Variants in ATP13A5 observed in about 807,000 individuals in gnomAD.
The protein encoded by ATP13A5 is probable cation-transporting ATPase 13A5.
Under a neutral mutation model 150.2 loss-of-function variants are expected in ATP13A5, and 149 were observed. The observed-to-expected ratio is 0.99, with a 90% CI of 0.87 to 1.14. The LOEUF is 1.14. ATP13A5 is among the 50% of genes most tolerant of loss of function. ATP13A5 has a pLI of 0.00. For synonymous variants in ATP13A5, 497 were observed against 522.2 expected, an observed-to-expected ratio of 0.95 and a Z score of 0.66; for missense variants, 1,383 against 1,449.3, an observed-to-expected ratio of 0.95 and a Z score of 0.74.
intron 9 of ATP13A5, among the ~76,000 whole-genome samples, chr3:193,335,444 A>G (rs566511367): frequency 1.2e-4 from 19 of 152,338 alleles, no homozygotes; most frequent in Non-Finnish European, 2.5e-4. Flanking sequence ...GCTTTCCAGC[A>G]CGTGAATAGT....
Position 193,331,180 on chromosome 3 carries a change from A to C in ATP13A5, c.1404T>G (p.Cys468Trp). The C allele has an allele frequency of 6.2e-7, 1 of 1,614,094 alleles. No individual in the cohort carries two copies. The highest frequency in any genetic ancestry group is 8.5e-7 in the Non-Finnish European group (1 of 1,179,966). ...ACATGTTGATTCTCTGTGGGGAGATACAGAAGATTTTCTTTTTCTTCAGTC... is the reference window on the plus strand; with the variant it reads ...ACATGTTGATTCTCTGTGGGGAGATCCAGAAGATTTTCTTTTTCTTCAGTC... ...QKRLKKKKIFCISPQRINMCG... is the reference protein window; with the variant it reads ...QKRLKKKKIFWISPQRINMCG... The change falls in exon 12 of 30, where the codon TGT (cysteine) becomes TGG (tryptophan). Residue 468 changes from cysteine to tryptophan, a missense_variant. This residue lies in a region of ATP13A5 where 787 missense variants were observed against 771.9 expected (regional missense o/e 1.02). Coordinates refer to ENST00000342358, the MANE Select transcript of ATP13A5 (RefSeq NM_198505.4).
intron 25 of ATP13A5, among the ~76,000 whole-genome samples, chr3:193,290,328 A>G (rs530037980): frequency 6.6e-6 from 1 of 152,214 alleles, no homozygotes; most frequent in African/African-American, 2.4e-5. Context: ...GCATGGTGCA[A>G]CTATTTCCTC....
Position 193,274,921 on chromosome 3 carries a change from T to C in ATP13A5, c.*121A>G. 3 of 1,391,540 alleles carry C rather than the reference T, an allele frequency of 2.2e-6. No homozygotes were observed. Among genetic ancestry groups the C allele is most frequent in the Middle Eastern group, 2.4e-4 (1 of 4,152 alleles). The allele number at this position is 1,391,540 out of a possible 1,614,324, so 86.2% of individuals were successfully genotyped here. On this transcript the variant is annotated 3_prime_UTR_variant, in exon 30 of 30. Transcript: ENST00000342358. ...GCTGCAAGGTTTAATTCATTGAAAA[T>C]ATACTTTGAATGCTTGAATGGAGAG...
intron 1 of ATP13A5, among the ~76,000 whole-genome samples, chr3:193,373,452 ATT>A (rs10708831): frequency 4.0e-5 from 6 of 151,690 alleles, no homozygotes; most frequent in African/African-American, 1.2e-4. Flanking sequence ...GCAATTCTTG[ATT>A]TTTTTTTTAA....
In ATP13A5 at chr3:193,343,369, G is replaced by T. The variant is rs112801964; in HGVS notation, c.943+558C>A. Among the ~76,000 whole-genome samples the T allele has an allele frequency of 4.0e-3, 613 of 152,274 alleles. 4 individuals carry two copies. Among genetic ancestry groups the T allele is most frequent in the Admixed American group, 6.7e-3 (102 of 15,282 alleles). Reference sequence around the variant, plus strand: ...AGGACTGCCTGAACTATAACTAGAAGATTAGTTTCTGCTCAGTGAGATCAA... The same window carrying T: ...AGGACTGCCTGAACTATAACTAGAATATTAGTTTCTGCTCAGTGAGATCAA... On this transcript the variant is annotated intron_variant, in intron 9 of 29. Transcript: ENST00000342358.
intron 27 of ATP13A5, 144 bp downstream of exon 27, chr3:193,284,770 G>A (rs1376990698): frequency 1.6e-5 from 11 of 679,198 alleles, no homozygotes; most frequent in African/African-American, 3.6e-5. Context: ...CTCTACCAAC[G>A]ATGACCACTG....
chr3:193,374,085 A>C (rs1371093546), intron 1 of ATP13A5, among the ~76,000 whole-genome samples: 1 of 152,178 alleles, frequency 6.6e-6, no homozygotes, highest in African/African-American at 2.4e-5. Flanking sequence ...GCCTGTGGTC[A>C]CGGGAGCTGC....
Position 193,351,185 on chromosome 3 carries a change from T to A in ATP13A5, c.623A>T (p.Tyr208Phe). Reference sequence around the variant, plus strand: ...AGTTAGGGTGAAGGCTTGGAACACATAGAATGGATTTAAAACCTGCAGGCA... The same window carrying A: ...AGTTAGGGTGAAGGCTTGGAACACAAAGAATGGATTTAAAACCTGCAGGCA... ...LLVKQVLNPF[Y>F]VFQAFTLTLW... Residue 208 changes from tyrosine to phenylalanine, a missense_variant, in exon 7 of 30, where the codon TAT (tyrosine) becomes TTT (phenylalanine). Tyr to Phe is a conservative substitution (Grantham distance 22). This residue lies in a region of ATP13A5 where 787 missense variants were observed against 771.9 expected (regional missense o/e 1.02). Transcript: ENST00000342358. The A allele has an allele frequency of 6.2e-7, 1 of 1,613,726 alleles. No individual in the cohort carries two copies. Among genetic ancestry groups the A allele is most frequent in the Middle Eastern group, 1.7e-4 (1 of 6,056 alleles).
At chr3:193,339,786 A>G (rs1282095835) in intron 9 of ATP13A5, among the ~76,000 whole-genome samples, 2 of 152,008 alleles carry the variant, frequency 1.3e-5, no homozygotes, top group African/African-American at 2.4e-5. Context: ...CTTAGAGATC[A>G]TTTCCTTTTT....
At chr3:193,326,247 A>G (rs1288200908) in intron 13 of ATP13A5, among the ~76,000 whole-genome samples, 2 of 152,196 alleles carry the variant, frequency 1.3e-5, no homozygotes, top group African/African-American at 4.8e-5. Flanking sequence ...GTCTTAGCCC[A>G]TAGGGAAGGA....
chr3:193,373,742 G>A (rs981744690), intron 1 of ATP13A5, among the ~76,000 whole-genome samples: 2 of 152,140 alleles, frequency 1.3e-5, no homozygotes, highest in Admixed American at 6.5e-5. Flanking sequence ...AAAGAGTCAA[G>A]GCCAAAGAGG....
chr3:193,322,918 T>C lies in ATP13A5; in HGVS notation c.1675-344A>G, dbSNP rs943641859. 3.9e-5 allele frequency among the ~76,000 whole-genome samples: 6 copies of C among 152,214 alleles called. No individual in the cohort carries two copies. In the East Asian group the frequency reaches 1.2e-3, roughly 29 times the overall value. ...TAGTCTCCAACATTGCCGAGCACCA[T>C]AGCTCTCAGATGAGTTAGGACTGGG... On this transcript the variant is annotated intron_variant, in intron 14 of 29. Coordinates refer to ENST00000342358, the MANE Select transcript of ATP13A5 (RefSeq NM_198505.4).
At chr3:193,295,004 G>A (rs1266754971) in intron 25 of ATP13A5, among the ~76,000 whole-genome samples, 1 of 152,044 alleles carries the variant, frequency 6.6e-6, no homozygotes, top group Non-Finnish European at 1.5e-5. Flanking sequence ...TTCTGAATAT[G>A]CATCACTTTC....
chr3:193,377,509 T>G (rs913819794), intron 1 of ATP13A5, among the ~76,000 whole-genome samples: 2 of 152,218 alleles, frequency 1.3e-5, no homozygotes, highest in Non-Finnish European at 2.9e-5. Flanking sequence ...TGGTGCGTAT[T>G]TTACACATAA....
In ATP13A5 at chr3:193,324,934, G is replaced by A. The variant is rs1719417584; in HGVS notation, c.1604C>T (p.Ser535Phe). ...PLCAAMASCHSLILLNGTIQG... is the reference protein window; with the variant it reads ...PLCAAMASCHFLILLNGTIQG... ...GATGGTCCCATTGAGAAGGATCAGA[G>A]AGTGGCAGCTGGCCATGGCCGCACA... Residue 535 changes from serine to phenylalanine, a missense_variant, in exon 14 of 30, where the codon TCT (serine) becomes TTT (phenylalanine). Ser to Phe is a radical substitution (Grantham distance 155, BLOSUM62 -2). Transcript: ENST00000342358. The A allele has an allele frequency of 6.2e-7, 1 of 1,614,172 alleles. No individual in the cohort carries two copies. Among genetic ancestry groups the A allele is most frequent in the Non-Finnish European group, 8.5e-7 (1 of 1,179,998 alleles).
chr3:193,290,674 G>T (rs1333652343), intron 25 of ATP13A5, among the ~76,000 whole-genome samples: 1 of 152,052 alleles, frequency 6.6e-6, no homozygotes, highest in Non-Finnish European at 1.5e-5. Context: ...GAAAAATATT[G>T]CTTCTAGATG....
In ATP13A5 at chr3:193,331,314, G is replaced by A. The variant is rs770029629; in HGVS notation, c.1273-3C>T. ...GTCACAGTATCTTTTGGAGGAACCT[G>A]GGAGAGGACAGACATTTTCATACAG... On this transcript the variant is annotated splice_polypyrimidine_tract_variant and splice_region_variant and intron_variant, in intron 11 of 29. Transcript: ENST00000342358. The A allele has an allele frequency of 5.0e-6, 8 of 1,611,368 alleles. No individual in the cohort carries two copies. The highest frequency in any genetic ancestry group is 6.8e-6 in the Non-Finnish European group (8 of 1,179,224).
At chr3:193,311,532 C>T (rs1334593012) in intron 20 of ATP13A5, among the ~76,000 whole-genome samples, 1 of 152,128 alleles carries the variant, frequency 6.6e-6, no homozygotes, top group African/African-American at 2.4e-5. Flanking sequence ...TGGAACTCTG[C>T]CGTTCTCCTG....
At chr3:193,326,904 G>A (rs1577351649) in intron 13 of ATP13A5, 92 bp downstream of exon 13, 13 of 1,072,160 alleles carry the variant, frequency 1.2e-5, no homozygotes, top group Non-Finnish European at 1.6e-5. Flanking sequence ...TATTTTATGT[G>A]ACATTCATCC....
Sources: gnomAD v4.1 joint callset for allele counts (sites outside exome capture counted in the v4.1 genomes callset) on GRCh38, gnomAD v4.1.1 for gene constraint, gnomAD v4.1.1 regional missense constraint, MANE v1.5 for transcripts, NCBI Gene and HGNC (gene_info 2026-07-23, HGNC 2026-07-21) for gene names.